The following CENATAC variants were observed in gnomAD, a reference collection of about 807,000 sequenced individuals.
CENATAC encodes the protein coiled-coil domain containing 84.
Under a neutral mutation model 53.7 loss-of-function variants are expected in CENATAC, and 53 were observed. The ratio of observed to expected loss-of-function variants is 0.99; its 90% CI spans 0.79 to 1.24. CENATAC has a LOEUF of 1.24. Ranked by LOEUF, CENATAC falls within the 50% of genes most tolerant of loss-of-function variation. The pLI, the probability that CENATAC is intolerant of heterozygous loss-of-function variation, is 0.00. For missense variants in CENATAC, 474 were observed against 417.8 expected (o/e 1.13, Z -1.17); for synonymous variants, 156 against 144.6 (o/e 1.08, Z -0.57).
At chr11:119,010,423 G>A (rs1565667023) in intron 3 of CENATAC, 1 of 269,450 alleles carries the variant, frequency 3.7e-6, no homozygotes, top group Non-Finnish European at 7.0e-6. Flanking sequence ...ATACTAACCA[G>A]CCAAATATTT....
At chr11:119,000,902 T>C (rs545447934) in intron 3 of CENATAC, among the ~76,000 whole-genome samples, 17 of 152,264 alleles carry the variant, frequency 1.1e-4, no homozygotes, top group African/African-American at 4.1e-4. Flanking sequence ...CCCTTTTTTT[T>C]CCACATAGAT....
At chr11:118,998,960 A>G in intron 2 of CENATAC, 51 bp from the exon 3 acceptor site, 1 of 1,377,228 alleles carries the variant, frequency 7.3e-7, no homozygotes. Context: ...TTAATATCTG[A>G]GTAATATTTT....
At position 119,006,324 on chromosome 11, in the gene CENATAC, C is replaced by G. The variant is rs535196254; in HGVS notation, c.384-4440C>G. ...GATCTCGGCTCACTGCAAGCTCCGC[C>G]TCCTGGGTTCACGCCATTCTCCTGC... On this transcript the variant is annotated intron_variant, in intron 3 of 10. Coordinates refer to ENST00000334418, the MANE Select transcript of CENATAC (RefSeq NM_198489.3). Among the ~76,000 whole-genome samples, 4 of 107,078 alleles carry G rather than the reference C, an allele frequency of 3.7e-5. No individual in the cohort carries two copies. The South Asian group carries it at 1.4e-3, about 36-fold the overall frequency. The allele number at this position is 107,078 out of a possible 152,430, so 70.2% of individuals were successfully genotyped here. A position where few individuals can be genotyped will look rare whatever the true frequency, so the allele number is the denominator to read the frequency against.
intron 8 of CENATAC, 125 bp from the exon 9 acceptor site, chr11:119,014,869 T>G: frequency 1.6e-6 from 1 of 619,422 alleles, no homozygotes; most frequent in Non-Finnish European, 2.8e-6. Context: ...AGCTCCAGAA[T>G]TCCTGGGCTT....
At position 119,015,638 on chromosome 11, in the gene CENATAC, T is replaced by A. The variant is rs1943130910; in HGVS notation, c.*40T>A. ...AACTACCATGAGGCTAAAAGCAAAG[T>A]CAACAAACCCCTATTATACCTTCCA... On this transcript the variant is annotated 3_prime_UTR_variant, in exon 11 of 11. Coordinates refer to ENST00000334418, the MANE Select transcript of CENATAC (RefSeq NM_198489.3). 1 of 1,597,246 alleles carries A rather than the reference T, an allele frequency of 6.3e-7. No homozygotes were observed. The highest frequency in any genetic ancestry group is 8.6e-7 in the Non-Finnish European group (1 of 1,165,126).
At chr11:119,001,023 C>T (rs978605741) in intron 3 of CENATAC, among the ~76,000 whole-genome samples, 3 of 152,148 alleles carry the variant, frequency 2.0e-5, no homozygotes, top group Admixed American at 1.3e-4. Flanking sequence ...AATGTCATGA[C>T]TTTTCTCTGC....
intron 3 of CENATAC, chr11:119,003,472 AT>A (rs1942421019): frequency 2.2e-6 from 1 of 445,078 alleles, no homozygotes; most frequent in Non-Finnish European, 4.3e-6. Context: ...TGATTTTTGT[AT>A]TTTTCGTAGA....
At chr11:118,998,658 G>A (rs943271901) in intron 2 of CENATAC, 65 bp downstream of exon 2, 5 of 1,508,744 alleles carry the variant, frequency 3.3e-6, no homozygotes, top group Non-Finnish European at 2.7e-6. Flanking sequence ...AGGGTTTGGG[G>A]TGGGTGAGAA....
chr11:119,012,357 C>T lies in CENATAC; in HGVS notation c.684+103C>T. Reference sequence around the variant, plus strand: ...ATTCAAGCCACTGCTGCCTCCACTGCAGGCTTTTCCTTCTTCCTTCACTGT... The same window carrying T: ...ATTCAAGCCACTGCTGCCTCCACTGTAGGCTTTTCCTTCTTCCTTCACTGT... On this transcript the variant is annotated intron_variant, in intron 7 of 10. Coordinates refer to ENST00000334418, the MANE Select transcript of CENATAC (RefSeq NM_198489.3). The T allele has an allele frequency of 2.4e-6, 3 of 1,266,008 alleles. No homozygotes were observed. In the South Asian group the frequency reaches 4.1e-5, roughly 17 times the overall value. The allele number at this position is 1,266,008 out of a possible 1,614,324, so 78.4% of individuals were successfully genotyped here.
intron 7 of CENATAC, 44 bp downstream of exon 7, chr11:119,012,298 G>T: frequency 6.2e-7 from 1 of 1,603,982 alleles, no homozygotes; most frequent in South Asian, 1.1e-5. Context: ...TGGTCCCTCA[G>T]GTCTCAGGAC....
chr11:119,005,786 C>T (rs1465796562), intron 3 of CENATAC: 1 of 152,104 alleles, frequency 6.6e-6, no homozygotes, highest in Non-Finnish European at 1.5e-5. Context: ...GTCCTGCACA[C>T]TCATGTGATA....
At position 118,998,501 on chromosome 11, in the gene CENATAC, C is replaced by T. The variant is rs1179648715; in HGVS notation, c.192C>T (p.Cys64=). The T allele has an allele frequency of 1.2e-6, 2 of 1,612,776 alleles. No individual in the cohort carries two copies. The highest frequency in any genetic ancestry group is 4.5e-5 in the East Asian group (2 of 44,870). Residue 64 remains cysteine, a synonymous_variant, in exon 2 of 11, where the codon TGC becomes TGT. Coordinates refer to ENST00000334418, the MANE Select transcript of CENATAC (RefSeq NM_198489.3). Reference sequence around the variant, plus strand: ...ATGTGCCCGAACACGAGCGATGCTGCTGGTGCCTGTGCTGCGGCTGTGAGG... The same window carrying T: ...ATGTGCCCGAACACGAGCGATGCTGTTGGTGCCTGTGCTGCGGCTGTGAGG... ...ERYVPEHERC[C]WCLCCGCEVR... is the part of the protein sequence containing the mutation.
chr11:119,015,774 A>G lies in CENATAC; in HGVS notation c.*176A>G. ...CTGGTTGGACCTGTAAAAAAAAATT[A>G]AAAGAATCAGAACCATAAAGCTTTG... On this transcript the variant is annotated 3_prime_UTR_variant, in exon 11 of 11. Coordinates refer to ENST00000334418, the MANE Select transcript of CENATAC (RefSeq NM_198489.3). The G allele has an allele frequency of 2.3e-6, 3 of 1,329,834 alleles. No individual in the cohort carries two copies. Among genetic ancestry groups the G allele is most frequent in the Non-Finnish European group, 3.2e-6 (3 of 938,506 alleles). The allele number at this position is 1,329,834 out of a possible 1,614,324, so 82.4% of individuals were successfully genotyped here.
intron 4 of CENATAC, 102 bp from the exon 5 acceptor site, chr11:119,011,119 C>G (rs1357503556): frequency 2.1e-6 from 2 of 967,448 alleles, no homozygotes; most frequent in Non-Finnish European, 3.2e-6. Context: ...CAGACCAGTA[C>G]TGGTCCACGC....
At chr11:119,000,556 G>GACC (rs1047494689) in intron 3 of CENATAC, among the ~76,000 whole-genome samples, 1 of 150,650 alleles carries the variant, frequency 6.6e-6, no homozygotes, top group Non-Finnish European at 1.5e-5. Context: ...AGGAGTTTGA[G>GACC]ACCAGCCTGG....
chr11:119,015,181 T>C, intron 9 of CENATAC, 98 bp downstream of exon 9: 1 of 1,447,380 alleles, frequency 6.9e-7, no homozygotes, highest in Non-Finnish European at 9.5e-7. Context: ...ATCCTAGCAT[T>C]TTGGGAGGCT....
At chr11:119,013,557 G>A (rs374102318) in intron 8 of CENATAC, among the ~76,000 whole-genome samples, 1,611 of 149,498 alleles carry the variant, frequency 0.011, 34 homozygotes, top group African/African-American at 0.034. Context: ...TCCGCCTCCC[G>A]GGTTCACGCC....
intron 3 of CENATAC, among the ~76,000 whole-genome samples, chr11:119,007,483 T>TCTTA (rs1447909216): frequency 6.6e-6 from 1 of 151,860 alleles, no homozygotes; most frequent in Non-Finnish European, 1.5e-5. Context: ...AATCTGGCCT[T>TCTTA]TTTATTTATT....
At chr11:119,014,033 G>A (rs1484801859) in intron 8 of CENATAC, 5 of 152,176 alleles carry the variant, frequency 3.3e-5, no homozygotes, top group Non-Finnish European at 7.3e-5. Context: ...ACTGCTCTTA[G>A]AATGTAAACT....
Sources: allele counts gnomAD v4.1 joint callset (sites outside exome capture counted in the v4.1 genomes callset), GRCh38; gene constraint gnomAD v4.1.1; transcripts MANE v1.5; gene names NCBI Gene and HGNC (gene_info 2026-07-23, HGNC 2026-07-21).